The following CPNE3 variants were observed in gnomAD, a reference collection of about 807,000 sequenced individuals.
The protein encoded by CPNE3 is copine-3.
A neutral mutation model predicts 63.9 loss-of-function variants in CPNE3; 68 were observed. The ratio of observed to expected loss-of-function variants is 1.06; its 90% CI spans 0.87 to 1.30. The LOEUF (loss-of-function observed/expected upper bound fraction) is 1.30. Ranked by LOEUF, CPNE3 falls within the 50% of genes most tolerant of loss-of-function variation. The pLI is 0.00. For missense variants in CPNE3, 665 were observed against 578.1 expected, an observed-to-expected ratio of 1.15 and a Z score of -1.54; for synonymous variants, 219 against 197.5, an observed-to-expected ratio of 1.11 and a Z score of -0.91.
At chr8:86,538,399 A>G (rs142483910) in intron 7 of CPNE3, among the ~76,000 whole-genome samples, 71 of 152,274 alleles carry the variant, frequency 4.7e-4, no homozygotes, top group Middle Eastern at 3.4e-3. Flanking sequence ...AATAAATGCT[A>G]CAGCAGGTAG....
chr8:86,554,870 G>C lies in CPNE3; in HGVS notation c.1140G>C (p.Glu380Asp), dbSNP rs967599482. 4 of 1,613,950 alleles carry C rather than the reference G, an allele frequency of 2.5e-6. No homozygotes were observed. The highest frequency in any genetic ancestry group is 1.7e-5 in the Admixed American group (1 of 59,998). ...PYCNGIQGIVEAYRSCLPQIK... is the reference protein window; with the variant it reads ...PYCNGIQGIVDAYRSCLPQIK... The stretch of plus-strand genomic sequence containing the variant: ...TTCTAGGAATCCAAGGCATTGTAGA[G>C]GCGTATCGGTCTTGTCTTCCTCAGA... Residue 380 changes from glutamate to aspartate, a missense_variant, in exon 15 of 17, where the codon GAG (glutamate) becomes GAC (aspartate). Transcript: ENST00000517490.
At chr8:86,525,246 C>G (rs1418649455) in intron 2 of CPNE3, among the ~76,000 whole-genome samples, 2 of 152,170 alleles carry the variant, frequency 1.3e-5, no homozygotes, top group African/African-American at 4.8e-5. Context: ...CTCAGCCTCC[C>G]AAAGTGCTGG....
In CPNE3 at chr8:86,526,701, G is replaced by A. The variant is rs911096671; in HGVS notation, c.-10-1835G>A. ...CTAGTTTTTGTATTTTAGTAGAGAC[G>A]AGGTTTCACCATGTTGACCAGGCCG... On this transcript the variant is annotated intron_variant, in intron 2 of 16. Transcript: ENST00000517490. Among the ~76,000 whole-genome samples, 3 of 152,008 alleles carry A rather than the reference G, an allele frequency of 2.0e-5. No individual in the cohort carries two copies. In the South Asian group the frequency reaches 6.2e-4, roughly 31 times the overall value.
At chr8:86,551,712 T>C (rs1444446526) in intron 14 of CPNE3, among the ~76,000 whole-genome samples, 1 of 152,230 alleles carries the variant, frequency 6.6e-6, no homozygotes. Flanking sequence ...CACACAGTAT[T>C]CTATAAGTAG....
chr8:86,540,369 A>T, intron 8 of CPNE3, 35 bp downstream of exon 8: 1 of 1,029,934 alleles, frequency 9.7e-7, no homozygotes. Context: ...AAATACTTAA[A>T]TATACCCATG....
chr8:86,555,188 C>A (rs1821294113), intron 15 of CPNE3, among the ~76,000 whole-genome samples: 1 of 151,410 alleles, frequency 6.6e-6, no homozygotes, highest in Admixed American at 6.6e-5. Context: ...ACTTGGCATT[C>A]ATGAGTCTTT....
intron 2 of CPNE3, among the ~76,000 whole-genome samples, chr8:86,526,087 C>T (rs998996186): frequency 3.9e-5 from 6 of 152,042 alleles, no homozygotes; most frequent in Non-Finnish European, 5.9e-5. Flanking sequence ...AGGGTTCAAC[C>T]GGGCGGTGGC....
intron 4 of CPNE3, 136 bp downstream of exon 4, chr8:86,529,260 A>G (rs550337531): frequency 1.5e-5 from 10 of 667,700 alleles, no homozygotes; most frequent in Non-Finnish European, 2.2e-5. Flanking sequence ...ATATATTAAT[A>G]TGATTGGCTT....
Position 86,524,756 on chromosome 8 carries a change from C to T in CPNE3, c.-10-3780C>T, listed in dbSNP as rs1014995517. Reference sequence around the variant, plus strand: ...TGCAGTGCATAGCTTACTGTGGCCTCGAACTCCTGAACTTGAGTGAGCCTC... The same window carrying T: ...TGCAGTGCATAGCTTACTGTGGCCTTGAACTCCTGAACTTGAGTGAGCCTC... On this transcript the variant is annotated intron_variant, in intron 2 of 16. Coordinates refer to ENST00000517490, the MANE Select transcript of CPNE3 (RefSeq NM_003909.5). 2.1e-5 allele frequency: 3 copies of T among 144,270 alleles called. No homozygotes were observed. In the South Asian group the frequency reaches 6.7e-4, roughly 32 times the overall value. The allele number at this position is 144,270 out of a possible 1,614,324, so 8.9% of individuals were successfully genotyped here.
At chr8:86,548,962 G>C in intron 12 of CPNE3, among the ~76,000 whole-genome samples, 1 of 152,236 alleles carries the variant, frequency 6.6e-6, no homozygotes, top group Admixed American at 6.5e-5. Flanking sequence ...AACAAGTGCT[G>C]AAGGATAACT....
chr8:86,558,239 A>G (rs1821363910), intron 16 of CPNE3, 49 bp from the exon 17 acceptor site: 2 of 871,486 alleles, frequency 2.3e-6, no homozygotes, highest in Non-Finnish European at 4.0e-6. Context: ...TGAAAAAGCC[A>G]GGAAAATTCA....
chr8:86,528,469 G>A (rs1274861370), intron 2 of CPNE3, 67 bp from the exon 3 acceptor site: 11 of 1,565,804 alleles, frequency 7.0e-6, no homozygotes, highest in African/African-American at 1.4e-5. Context: ...ACCTGTTTTT[G>A]TTAGGAATGA....
At chr8:86,523,630 G>C (rs1471892303) in intron 2 of CPNE3, among the ~76,000 whole-genome samples, 2 of 152,164 alleles carry the variant, frequency 1.3e-5, no homozygotes, top group African/African-American at 4.8e-5. Flanking sequence ...CTGTCGCCCA[G>C]GCTGGAGTGC....
At chr8:86,528,718 C>G (rs1278769235) in intron 3 of CPNE3, 41 bp downstream of exon 3, 1 of 1,562,650 alleles carries the variant, frequency 6.4e-7, no homozygotes, top group East Asian at 2.3e-5. Flanking sequence ...TCTGAATTAC[C>G]CTTTTAACAA....
intron 9 of CPNE3, among the ~76,000 whole-genome samples, chr8:86,546,325 C>T (rs1821049865): frequency 6.6e-6 from 1 of 151,928 alleles, no homozygotes; most frequent in Admixed American, 6.5e-5. Context: ...GGAACATTTG[C>T]AAGGAAATTA....
rs150449868 is a variant in CPNE3, at chr8:86,558,166, G to A, written c.1492-122G>A. On this transcript the variant is annotated intron_variant, in intron 16 of 16. Transcript: ENST00000517490. ...TTTCATGGGCGGTTCCTAAGAAAAG[G>A]TACAGGCCTATGAATTAGAATTGCT... The A allele has an allele frequency of 5.1e-3, 3,694 of 723,482 alleles. 101 individuals are homozygous for A. The Admixed American group carries it at 0.056, about 11-fold the overall frequency. The allele number at this position is 723,482 out of a possible 1,614,324, so 44.8% of individuals were successfully genotyped here. A position where few individuals can be genotyped will look rare whatever the true frequency, so the allele number is the denominator to read the frequency against.
chr8:86,518,172 TA>T (rs1356692971), intron 2 of CPNE3, among the ~76,000 whole-genome samples: 1 of 152,170 alleles, frequency 6.6e-6, no homozygotes, highest in Non-Finnish European at 1.5e-5. Flanking sequence ...CTTGCCCAAT[TA>T]AATATACATG....
chr8:86,529,684 A>C (rs879852232), intron 4 of CPNE3, among the ~76,000 whole-genome samples: 1 of 152,162 alleles, frequency 6.6e-6, no homozygotes, highest in African/African-American at 2.4e-5. Context: ...TCTTCCCAGT[A>C]TATGATAAGT....
chr8:86,553,883 G>A (rs2131500847), intron 14 of CPNE3: 1 of 152,084 alleles, frequency 6.6e-6, no homozygotes, highest in Non-Finnish European at 1.5e-5. Context: ...AGGTGCTTGT[G>A]TGGGATACAA....
Sources: gnomAD v4.1 joint callset for allele counts (sites outside exome capture counted in the v4.1 genomes callset) on GRCh38, gnomAD v4.1.1 for gene constraint, MANE v1.5 for transcripts, NCBI Gene and HGNC (gene_info 2026-07-23, HGNC 2026-07-21) for gene names.